The following P3H2 variants were observed in gnomAD, a reference collection of about 807,000 sequenced individuals.
P3H2 encodes prolyl 3-hydroxylase 2, also known as leprecan-like 1.
Under a neutral mutation model 87.0 loss-of-function variants are expected in P3H2, and 80 were observed. That is an observed-to-expected ratio of 0.92 (90% CI 0.77 to 1.11). The LOEUF is 1.11. Among genes scored for constraint, P3H2 ranks in the 50% least tolerant of loss-of-function variants. The pLI, the probability that P3H2 is intolerant of heterozygous loss-of-function variation, is 0.00. For synonymous variants in P3H2, 367 were observed against 359.3 expected, an observed-to-expected ratio of 1.02 and a Z score of -0.24; for missense variants, 1,001 against 923.9, an observed-to-expected ratio of 1.08 and a Z score of -1.08.
intron 1 of P3H2, among the ~76,000 whole-genome samples, chr3:190,080,661 C>CA: frequency 6.6e-6 from 1 of 152,246 alleles, no homozygotes; most frequent in Middle Eastern, 3.4e-3. Context: ...CTCGGCCTCC[C>CA]AAAGTGCTGG....
chr3:189,969,841 G>A, intron 13 of P3H2: 2 of 1,521,430 alleles, frequency 1.3e-6, no homozygotes, highest in Middle Eastern at 1.8e-4. Context: ...TCATGGCAGT[G>A]GTGGTGGTGC....
rs184282261 is a variant in P3H2, at chr3:189,981,063, C to T, written c.1324+1983G>A. 1.4e-3 allele frequency among the ~76,000 whole-genome samples: 220 copies of T among 152,324 alleles called. 1 individual carries two copies. The highest frequency in any genetic ancestry group is 4.9e-3 in the African/African-American group (205 of 41,580). On this transcript the variant is annotated intron_variant, in intron 8 of 14. Transcript: ENST00000319332. ...TTTGCCCATGGAGGGCATGGAAGCT[C>T]CTCCTGCCATCCCCCCATACCTTGC...
intron 1 of P3H2, among the ~76,000 whole-genome samples, chr3:190,087,662 A>G (rs1440097830): frequency 6.6e-6 from 1 of 152,060 alleles, no homozygotes; most frequent in Non-Finnish European, 1.5e-5. Context: ...TACGATCAGT[A>G]TTTCTAAATT....
At chr3:189,969,546 C>G (rs781242270) in intron 13 of P3H2, 15 of 1,246,392 alleles carry the variant, frequency 1.2e-5, no homozygotes, top group Non-Finnish European at 1.7e-5. Flanking sequence ...ATGACAATAT[C>G]GCCAGGTTGA....
intron 13 of P3H2, chr3:189,969,969 G>A: frequency 1.6e-6 from 1 of 635,572 alleles, no homozygotes; most frequent in East Asian, 2.8e-5. Context: ...CATTGTGTAT[G>A]CTCTTTGGCT....
At chr3:190,061,362 TG>T (rs1359619076) in intron 1 of P3H2, among the ~76,000 whole-genome samples, 2 of 152,032 alleles carry the variant, frequency 1.3e-5, no homozygotes, top group Non-Finnish European at 1.5e-5. Flanking sequence ...CCAGGAGCTA[TG>T]GGTGGATTTT....
At chr3:190,092,552 G>A (rs1469011363) in intron 1 of P3H2, among the ~76,000 whole-genome samples, 1 of 152,148 alleles carries the variant, frequency 6.6e-6, no homozygotes, top group East Asian at 1.9e-4. Context: ...AGGGACTTAT[G>A]GCATTTTTCC....
chr3:190,080,594 G>A (rs1727011662), intron 1 of P3H2, among the ~76,000 whole-genome samples: 1 of 151,920 alleles, frequency 6.6e-6, no homozygotes, highest in Non-Finnish European at 1.5e-5. Context: ...TAAAGACAGG[G>A]TTTTTCCATG....
chr3:189,992,755 G>A (rs1723915953), intron 3 of P3H2, among the ~76,000 whole-genome samples: 1 of 152,270 alleles, frequency 6.6e-6, no homozygotes, highest in South Asian at 2.1e-4. Flanking sequence ...GCATTAAATA[G>A]ATAAAAATAT....
chr3:190,032,610 G>C (rs916552508), intron 1 of P3H2, among the ~76,000 whole-genome samples: 1 of 152,160 alleles, frequency 6.6e-6, no homozygotes, highest in African/African-American at 2.4e-5. Flanking sequence ...GAACATTTAT[G>C]GGTACATTTA....
chr3:190,015,067 A>T (rs1206004673), intron 1 of P3H2, among the ~76,000 whole-genome samples: 1 of 152,148 alleles, frequency 6.6e-6, no homozygotes, highest in Non-Finnish European at 1.5e-5. Context: ...CTGAGGATGG[A>T]GTGCAGGGCT....
intron 11 of P3H2, among the ~76,000 whole-genome samples, chr3:189,972,335 T>G (rs1723201746): frequency 6.6e-6 from 1 of 152,124 alleles, no homozygotes; most frequent in Non-Finnish European, 1.5e-5. Context: ...GAAATGAAAA[T>G]TTTTTAAAAA....
chr3:190,118,470 A>C (rs1288205395), intron 1 of P3H2, among the ~76,000 whole-genome samples: 1 of 151,830 alleles, frequency 6.6e-6, no homozygotes, highest in Non-Finnish European at 1.5e-5. Flanking sequence ...TTTCTGTAAG[A>C]CCACCAGAAA....
chr3:190,051,765 G>A (rs1315544513), intron 1 of P3H2, among the ~76,000 whole-genome samples: 1 of 152,208 alleles, frequency 6.6e-6, no homozygotes, highest in Non-Finnish European at 1.5e-5. Context: ...AATTCTTGCA[G>A]CTGGGTTAGG....
intron 1 of P3H2, among the ~76,000 whole-genome samples, chr3:190,013,462 G>A (rs1047801316): frequency 2.0e-5 from 3 of 152,222 alleles, no homozygotes; most frequent in African/African-American, 7.2e-5. Context: ...TTGATAAGCT[G>A]AAAGGCATTT....
chr3:189,999,210 C>A (rs879840490), intron 1 of P3H2, among the ~76,000 whole-genome samples: 1 of 152,136 alleles, frequency 6.6e-6, no homozygotes, highest in Non-Finnish European at 1.5e-5. Context: ...AAACTGGGTC[C>A]TTTTCTCAAA....
At chr3:190,061,559 A>G (rs1259270934) in intron 1 of P3H2, among the ~76,000 whole-genome samples, 1 of 152,098 alleles carries the variant, frequency 6.6e-6, no homozygotes, top group African/African-American at 2.4e-5. Flanking sequence ...ACATCCTACT[A>G]TACTACAAAA....
intron 1 of P3H2, among the ~76,000 whole-genome samples, chr3:190,050,315 T>C (rs1447938): frequency 6.6e-6 from 1 of 152,104 alleles, no homozygotes. Context: ...AATAGCTTTT[T>C]AGATATTTGA....
upstream of P3H2, chr3:190,122,113 A>AGGAGAAGAGG (rs149108880): frequency 2.8e-5 from 4 of 143,350 alleles, no homozygotes; most frequent in Non-Finnish European, 4.5e-5. Flanking sequence ...AAGAAAAGAG[A>AGGAGAAGAGG]GGAGAGGAGG....
Sources: allele counts gnomAD v4.1 joint callset (sites outside exome capture counted in the v4.1 genomes callset), GRCh38; gene constraint gnomAD v4.1.1; transcripts MANE v1.5; gene names NCBI Gene and HGNC (gene_info 2026-07-23, HGNC 2026-07-21).